The following MAGI1 variants were observed in gnomAD, a reference collection of about 807,000 sequenced individuals.
The protein encoded by MAGI1 is membrane associated guanylate kinase, WW and PDZ domain containing 1, also known as membrane-associated guanylate kinase, WW and PDZ domain-containing protein 1.
A neutral mutation model predicts 139.9 loss-of-function variants in MAGI1; 58 were observed. That is an observed-to-expected ratio of 0.41 (90% confidence interval 0.34 to 0.52). MAGI1 has a LOEUF of 0.52. Among genes scored for constraint, MAGI1 ranks in the 20% least tolerant of loss-of-function variants. The pLI, the probability that MAGI1 is intolerant of heterozygous loss-of-function variation, is 0.12. For synonymous variants in MAGI1, 812 were observed against 737.9 expected (o/e 1.10, Z -1.63); for missense variants, 1,874 against 1,901.6 (o/e 0.99, Z 0.27).
chr3:65,898,678 A>G (rs2061086548), intron 1 of MAGI1, among the ~76,000 whole-genome samples: 1 of 152,198 alleles, frequency 6.6e-6, no homozygotes, highest in Non-Finnish European at 1.5e-5. Flanking sequence ...TGAAAATGAC[A>G]GCAACCAAAG....
intron 1 of MAGI1, among the ~76,000 whole-genome samples, chr3:65,675,078 A>T (rs943570295): frequency 6.6e-6 from 1 of 152,152 alleles, no homozygotes; most frequent in Non-Finnish European, 1.5e-5. Flanking sequence ...GAGGAGAAAC[A>T]TTCTGACCAG....
At chr3:65,413,558 A>G (rs1945960464) in intron 12 of MAGI1, among the ~76,000 whole-genome samples, 2 of 152,216 alleles carry the variant, frequency 1.3e-5, no homozygotes, top group African/African-American at 4.8e-5. Context: ...CTGAAAGAGT[A>G]TCTGAACTGG....
chr3:65,455,557 C>CA (rs1452936287), intron 5 of MAGI1, among the ~76,000 whole-genome samples: 1 of 151,806 alleles, frequency 6.6e-6, no homozygotes, highest in Non-Finnish European at 1.5e-5. Flanking sequence ...CAAAAAAATA[C>CA]AAAAAAATTA....
At chr3:65,481,301 G>C (rs757902574) in intron 3 of MAGI1, among the ~76,000 whole-genome samples, 1 of 152,156 alleles carries the variant, frequency 6.6e-6, no homozygotes, top group African/African-American at 2.4e-5. Context: ...TGTCAAACAA[G>C]AAATGCACTT....
At chr3:65,895,718 C>G (rs2060018) in intron 1 of MAGI1, among the ~76,000 whole-genome samples, 78,451 of 151,992 alleles carry the variant, frequency 0.52, 20,364 homozygotes, top group South Asian at 0.69. Context: ...TCCAAACTTA[C>G]GTCAGTTACC....
At chr3:65,473,796 T>A (rs1440688196) in intron 4 of MAGI1, among the ~76,000 whole-genome samples, 3 of 151,728 alleles carry the variant, frequency 2.0e-5, no homozygotes, top group African/African-American at 7.3e-5. Context: ...ATTATCCAAG[T>A]ATTTGTTTTT....
At chr3:65,595,072 C>G (rs2106780486) in intron 2 of MAGI1, among the ~76,000 whole-genome samples, 1 of 152,292 alleles carries the variant, frequency 6.6e-6, no homozygotes, top group Admixed American at 6.5e-5. Flanking sequence ...GTCAATTAAG[C>G]ACGGTGTTTA....
chr3:65,863,626 G>C (rs984291519), intron 1 of MAGI1, among the ~76,000 whole-genome samples: 2 of 152,086 alleles, frequency 1.3e-5, no homozygotes, highest in Admixed American at 6.5e-5. Flanking sequence ...ACATAAGAAA[G>C]ACAAATGAGA....
Position 66,036,704 on chromosome 3 carries a change from C to G in MAGI1, c.313+1292G>C, listed in dbSNP as rs910200727. Reference sequence around the variant, plus strand: ...TTTCCAAGAGAGGACCAGCTAGGCCCAGCCCTTCCTTTGACACATTCCTCC... The same window carrying G: ...TTTCCAAGAGAGGACCAGCTAGGCCGAGCCCTTCCTTTGACACATTCCTCC... On this transcript the variant is annotated intron_variant, in intron 1 of 22. Transcript: ENST00000402939. Among the ~76,000 whole-genome samples the G allele has an allele frequency of 1.2e-4, 19 of 152,216 alleles. 1 individual carries two copies. Among genetic ancestry groups the G allele is most frequent in the Non-Finnish European group, 2.9e-5 (2 of 68,044 alleles).
At chr3:65,373,150 G>A (rs1179724337) in intron 18 of MAGI1, among the ~76,000 whole-genome samples, 2 of 152,162 alleles carry the variant, frequency 1.3e-5, no homozygotes, top group Admixed American at 6.5e-5. Flanking sequence ...ATCATTTCTA[G>A]CTTTTGATTT....
intron 3 of MAGI1, among the ~76,000 whole-genome samples, chr3:65,482,746 C>T (rs545117923): frequency 5.3e-5 from 8 of 152,324 alleles, no homozygotes; most frequent in South Asian, 4.1e-4. Context: ...AACTTTCATA[C>T]GCCACTGTTT....
chr3:65,411,806 G>A (rs1449866896), intron 12 of MAGI1, among the ~76,000 whole-genome samples: 3 of 151,950 alleles, frequency 2.0e-5, no homozygotes, highest in Non-Finnish European at 4.4e-5. Context: ...AACCTTATAG[G>A]ACACCAAACC....
chr3:65,738,838 A>T (rs4688595), intron 1 of MAGI1, among the ~76,000 whole-genome samples: 151,148 of 152,350 alleles, frequency 0.99, 74,987 homozygotes, highest in East Asian at 1. Context: ...CTATAAGCAG[A>T]TGTGCTATCA....
chr3:65,629,841 T>A (rs1284671235), intron 1 of MAGI1, among the ~76,000 whole-genome samples: 1 of 151,312 alleles, frequency 6.6e-6, no homozygotes, highest in Non-Finnish European at 1.5e-5. Flanking sequence ...GCTGAAAAAG[T>A]TCTAGAAATG....
intron 10 of MAGI1, among the ~76,000 whole-genome samples, chr3:65,436,205 A>C (rs539309304): frequency 4.6e-5 from 7 of 150,794 alleles, no homozygotes; most frequent in Non-Finnish European, 1.0e-4. Context: ...TTAAAATTAA[A>C]GAAATGAATT....
intron 1 of MAGI1, among the ~76,000 whole-genome samples, chr3:65,950,078 C>CAAAAAAAAAAAAAAAAAAAAAAAAAA (rs751496271): frequency 7.4e-5 from 3 of 40,342 alleles, no homozygotes; most frequent in African/African-American, 1.6e-4. Flanking sequence ...AAAAAAAAAA[C>CAAAAAAAAAAAAAAAAAAAAAAAAAA]AAAAAAAAAA....
chr3:65,626,639 A>G (rs2083986464), intron 1 of MAGI1, among the ~76,000 whole-genome samples: 2 of 152,158 alleles, frequency 1.3e-5, no homozygotes, highest in Non-Finnish European at 2.9e-5. Context: ...GGCATTCTTA[A>G]GTATAAGCTC....
At chr3:65,589,488 T>C (rs538555581) in intron 2 of MAGI1, among the ~76,000 whole-genome samples, 2 of 152,160 alleles carry the variant, frequency 1.3e-5, no homozygotes, top group East Asian at 3.9e-4. Flanking sequence ...TATTTATTTA[T>C]TGGGTATCTC....
rs148053889 is a variant in MAGI1 at position 65,406,472 on chromosome 3, T to G, written c.2168-5002A>C. Among the ~76,000 whole-genome samples the G allele has an allele frequency of 2.2e-3, 337 of 152,258 alleles. 1 individual carries two copies. Among genetic ancestry groups the G allele is most frequent in the African/African-American group, 7.9e-3 (328 of 41,562 alleles). On this transcript the variant is annotated intron_variant, in intron 12 of 22. Coordinates refer to ENST00000402939, the MANE Select transcript of MAGI1 (RefSeq NM_001033057.2). ...AAGTGTCTGTCACATACAAAATGGATCTACGCATAAGAAAAATGTACTATT... is the reference window on the plus strand; with the variant it reads ...AAGTGTCTGTCACATACAAAATGGAGCTACGCATAAGAAAAATGTACTATT...
Sources: allele counts gnomAD v4.1 joint callset (sites outside exome capture counted in the v4.1 genomes callset), GRCh38; gene constraint gnomAD v4.1.1; transcripts MANE v1.5; gene names NCBI Gene and HGNC (gene_info 2026-07-23, HGNC 2026-07-21).